GNA15: variants seen among roughly 807,000 people sequenced by gnomAD.
The protein encoded by GNA15 is G protein subunit alpha 15.
A neutral mutation model predicts 40.1 loss-of-function variants in GNA15; 23 were observed. The observed-to-expected ratio is 0.57, with a 90% CI of 0.41 to 0.81. The LOEUF (loss-of-function observed/expected upper bound fraction) is 0.81. GNA15 is among the 40% of genes least tolerant of loss of function. The pLI is 0.00. For missense variants in GNA15, 522 were observed against 515.8 expected, an observed-to-expected ratio of 1.01 and a Z score of -0.12; for synonymous variants, 226 against 210.4, an observed-to-expected ratio of 1.07 and a Z score of -0.64.
intron 6 of GNA15, among the ~76,000 whole-genome samples, chr19:3,158,130 C>T (rs1915071738): frequency 6.6e-6 from 1 of 152,132 alleles, no homozygotes; most frequent in Admixed American, 6.6e-5. Flanking sequence ...CGTAGCATAT[C>T]ACGTACACCT....
In GNA15 at chr19:3,144,674, G is replaced by A. The variant is rs535943600; in HGVS notation, c.146-3917G>A. Among the ~76,000 whole-genome samples, 590 of 150,970 alleles carry A rather than the reference G, an allele frequency of 3.9e-3. 3 individuals carry two copies. The highest frequency in any genetic ancestry group is 0.01 in the African/African-American group (411 of 41,026). ...CTCCCAAGTAGCTGGAACTACAGGC[G>A]CCCGCCACCATGCCCGGTTAATTTT... On this transcript the variant is annotated intron_variant, in intron 1 of 6. Transcript: ENST00000262958.
chr19:3,158,716 G>A (rs1482446823), intron 6 of GNA15, among the ~76,000 whole-genome samples: 3 of 151,908 alleles, frequency 2.0e-5, no homozygotes, highest in South Asian at 2.1e-4. Context: ...CCAACTCCCC[G>A]GTTCAAGTGA....
intron 6 of GNA15, 68 bp downstream of exon 6, chr19:3,157,949 C>A: frequency 7.9e-7 from 1 of 1,262,482 alleles, no homozygotes; most frequent in Middle Eastern, 1.9e-4. Flanking sequence ...GATGCTAATC[C>A]AGACTCTACT....
At chr19:3,147,769 C>T (rs1183438681) in intron 1 of GNA15, among the ~76,000 whole-genome samples, 7 of 150,918 alleles carry the variant, frequency 4.6e-5, no homozygotes, top group Non-Finnish European at 7.4e-5. Flanking sequence ...TGCCTGTAGT[C>T]CCAGCTACTC....
At chr19:3,160,195 A>T (rs1400205743) in intron 6 of GNA15, among the ~76,000 whole-genome samples, 1 of 152,152 alleles carries the variant, frequency 6.6e-6, no homozygotes, top group Non-Finnish European at 1.5e-5. Context: ...AACTTCCAAG[A>T]TGGCTTCTTC....
chr19:3,157,267 A>G (rs1378723588), intron 5 of GNA15, among the ~76,000 whole-genome samples: 3 of 152,064 alleles, frequency 2.0e-5, no homozygotes, highest in Non-Finnish European at 4.4e-5. Flanking sequence ...CCAAAGTGCT[A>G]GGATTACAGC....
chr19:3,150,251 C>G lies in GNA15; in HGVS notation c.451C>G (p.Arg151Gly). The change falls in exon 3 of 7, where the codon CGG (arginine) becomes GGG (glycine). Residue 151 changes from arginine (R) to glycine (G), a missense_variant. Coordinates refer to ENST00000262958, the MANE Select transcript of GNA15 (RefSeq NM_002068.4). ...CGGCATCCGGGCCTGCTATGAGCGT[C>G]GGCGGGAATTCCACCTGCTCGATTC... ...DAGIRACYER[R>G]REFHLLDSAV... 1.2e-6 allele frequency: 2 copies of G among 1,605,804 alleles called. No homozygotes were observed. Among genetic ancestry groups the G allele is most frequent in the Non-Finnish European group, 1.7e-6 (2 of 1,176,396 alleles).
At chr19:3,153,011 G>A (rs568348605) in intron 4 of GNA15, among the ~76,000 whole-genome samples, 8 of 152,000 alleles carry the variant, frequency 5.3e-5, no homozygotes, top group South Asian at 2.1e-4. Flanking sequence ...GGGGCAACCC[G>A]CTCGGGTCCC....
intron 6 of GNA15, among the ~76,000 whole-genome samples, chr19:3,158,373 C>A (rs1049846349): frequency 6.6e-6 from 1 of 151,884 alleles, no homozygotes. Flanking sequence ...AGGATAGTCT[C>A]GATCACTTGA....
chr19:3,156,785 T>C (rs1344662741), intron 5 of GNA15, among the ~76,000 whole-genome samples: 1 of 151,752 alleles, frequency 6.6e-6, no homozygotes, highest in Non-Finnish European at 1.5e-5. Context: ...CGTGAGCCAC[T>C]GTGCCCAGCC....
At position 3,155,403 on chromosome 19, in the gene GNA15, G is replaced by A. The variant is rs1170954725; in HGVS notation, c.615-420G>A. ...GGGAACAGCCCTCATTCCCATCTGT[G>A]TGGCCACTGGACATGCCCATGGCCA... is the stretch of plus-strand genomic sequence containing the variant. On this transcript the variant is annotated intron_variant, in intron 4 of 6. Coordinates refer to ENST00000262958, the MANE Select transcript of GNA15 (RefSeq NM_002068.4). The surrounding 1 kb of genome is among the most constrained non-coding windows in gnomAD (Gnocchi z 5.6). 6.6e-6 allele frequency among the ~76,000 whole-genome samples: 1 copy of A among 152,166 alleles called. No individual in the cohort carries two copies. The highest frequency in any genetic ancestry group is 1.5e-5 in the Non-Finnish European group (1 of 68,018).
intron 1 of GNA15, among the ~76,000 whole-genome samples, chr19:3,144,765 T>C (rs1914668536): frequency 6.6e-6 from 1 of 151,804 alleles, no homozygotes; most frequent in African/African-American, 2.4e-5. Flanking sequence ...CCTGACCTCG[T>C]GATCCGCCCG....
chr19:3,137,524 CT>C (rs1439013906), intron 1 of GNA15, among the ~76,000 whole-genome samples: 1 of 152,146 alleles, frequency 6.6e-6, no homozygotes, highest in African/African-American at 2.4e-5. Flanking sequence ...TGGCTCATGC[CT>C]GTAATCCCAG....
chr19:3,157,619 TA>T (rs1915058064), intron 5 of GNA15, 108 bp from the exon 6 acceptor site: 1 of 894,730 alleles, frequency 1.1e-6, no homozygotes, highest in Non-Finnish European at 1.8e-6. Flanking sequence ...GCCAGGCAGA[TA>T]GGGGTGAGCC....
intron 5 of GNA15, among the ~76,000 whole-genome samples, chr19:3,156,380 G>T (rs528388650): frequency 1.3e-5 from 2 of 150,376 alleles, no homozygotes; most frequent in South Asian, 4.2e-4. Flanking sequence ...ATGCACTCAC[G>T]TGCACAATAC....
chr19:3,162,242 C>T (rs1915155104), intron 6 of GNA15, among the ~76,000 whole-genome samples: 2 of 151,906 alleles, frequency 1.3e-5, no homozygotes, highest in South Asian at 4.2e-4. Flanking sequence ...GAGTTCGAGA[C>T]CAGCCTGGCC....
In GNA15 at chr19:3,151,469, A is replaced by G. The variant is rs186395675; in HGVS notation, c.486-238A>G. Among the ~76,000 whole-genome samples, 39 of 152,188 alleles carry G rather than the reference A, an allele frequency of 2.6e-4. No homozygotes were observed. The East Asian group carries it at 7.0e-3, about 27-fold the overall frequency. On this transcript the variant is annotated intron_variant, in intron 3 of 6. Transcript: ENST00000262958. The surrounding 1 kb of genome is among the most constrained non-coding windows in gnomAD (Gnocchi z 5.0). The stretch of plus-strand genomic sequence containing the variant: ...GGGGACACCACTCCTCGATGAGGCC[A>G]TTCCTCATGTCACGCCATCCCTCGG...
chr19:3,142,818 G>C (rs545720338), intron 1 of GNA15, among the ~76,000 whole-genome samples: 2 of 152,198 alleles, frequency 1.3e-5, no homozygotes, highest in East Asian at 3.9e-4. Context: ...GTTGCGGTGT[G>C]CTGAGATCAC....
Position 3,163,418 on chromosome 19 carries a change from T to G in GNA15, c.*399T>G. ...GGTGACGCACACCCTGGGATGGGGCTAGTAGAGCCTTCAGGCGCCTTCGGG... is the reference window on the plus strand; with the variant it reads ...GGTGACGCACACCCTGGGATGGGGCGAGTAGAGCCTTCAGGCGCCTTCGGG... On this transcript the variant is annotated 3_prime_UTR_variant, in exon 7 of 7. Coordinates refer to ENST00000262958, the MANE Select transcript of GNA15 (RefSeq NM_002068.4). 1 of 260,088 alleles carries G rather than the reference T, an allele frequency of 3.8e-6. No homozygotes were observed. The highest frequency in any genetic ancestry group is 7.6e-6 in the Non-Finnish European group (1 of 131,700). The allele number at this position is 260,088 out of a possible 1,614,324, so 16.1% of individuals were successfully genotyped here. A position where few individuals can be genotyped will look rare whatever the true frequency, so the allele number is the denominator to read the frequency against.
Sources: allele counts gnomAD v4.1 joint callset (sites outside exome capture counted in the v4.1 genomes callset), GRCh38; gene constraint gnomAD v4.1.1; non-coding constraint Gnocchi (gnomAD v3.1); transcripts MANE v1.5; gene names NCBI Gene and HGNC (gene_info 2026-07-23, HGNC 2026-07-21).